SCAI: variants seen among roughly 807,000 people sequenced by gnomAD.
The protein encoded by SCAI is protein SCAI.
In SCAI, 24 loss-of-function variants were observed where a neutral mutation model predicts 92.2. The ratio of observed to expected loss-of-function variants is 0.26; its 90% CI spans 0.19 to 0.37. The LOEUF is 0.37. SCAI is among the 10% of genes least tolerant of loss of function. The pLI is 1.00. For missense variants in SCAI, 450 were observed against 736.2 expected (o/e 0.61, Z 4.50); for synonymous variants, 261 against 258.6 (o/e 1.01, Z -0.09).
chr9:124,979,824 C>T (rs1193695396), intron 14 of SCAI, among the ~76,000 whole-genome samples: 2 of 152,036 alleles, frequency 1.3e-5, no homozygotes, highest in African/African-American at 2.4e-5. Context: ...CCCAGGCGGG[C>T]GGATCACGAG....
intron 9 of SCAI, among the ~76,000 whole-genome samples, chr9:125,005,476 C>T (rs1046693078): frequency 6.6e-6 from 1 of 152,118 alleles, no homozygotes; most frequent in Non-Finnish European, 1.5e-5. Flanking sequence ...GGATTACAGG[C>T]ATGTGCCACC....
At chr9:125,010,892 CA>C (rs1199328466) in intron 9 of SCAI, among the ~76,000 whole-genome samples, 1 of 152,188 alleles carries the variant, frequency 6.6e-6, no homozygotes, top group Non-Finnish European at 1.5e-5. Flanking sequence ...CGCTGTTCTG[CA>C]GCCACCACTG....
chr9:124,997,838 T>C (rs1832270828), intron 13 of SCAI, among the ~76,000 whole-genome samples: 1 of 141,678 alleles, frequency 7.1e-6, no homozygotes, highest in Non-Finnish European at 1.5e-5. Context: ...ATAGTGCCAC[T>C]GCACTCCAGC....
rs761432942 is a variant in SCAI at position 124,971,371 on chromosome 9, C to T, written c.1673G>A (p.Arg558Gln). ...SATMRMHKIF[R>Q]ETRNYPESYP... ...TCTTTAATAATGTTCTTTGCCTACC[C>T]GAAAAATCTTGTGCATCCTCATGGT... Residue 558 changes from arginine (R) to glutamine (Q), a missense_variant and splice_region_variant, in exon 17 of 18, where the codon CGG becomes CAG. By Grantham distance (43) the Arg-to-Gln change is conservative (BLOSUM62 1). Transcript: ENST00000336505. 1.8e-5 allele frequency: 28 copies of T among 1,596,450 alleles called. No homozygotes were observed. Among genetic ancestry groups the T allele is most frequent in the Admixed American group, 1.6e-4 (9 of 57,466 alleles).
chr9:125,016,072 C>T (rs1013592987), intron 9 of SCAI, among the ~76,000 whole-genome samples: 1 of 148,716 alleles, frequency 6.7e-6, no homozygotes, highest in African/African-American at 2.5e-5. Flanking sequence ...GGAGATATAC[C>T]GAATGCTAAA....
At chr9:124,987,315 C>A (rs993843186) in intron 14 of SCAI, among the ~76,000 whole-genome samples, 6 of 122,456 alleles carry the variant, frequency 4.9e-5, no homozygotes, top group African/African-American at 1.4e-4. Flanking sequence ...AGCCACTGCA[C>A]CTGGATGGCT....
intron 17 of SCAI, among the ~76,000 whole-genome samples, chr9:124,953,759 C>T (rs1831270895): frequency 6.6e-6 from 1 of 152,046 alleles, no homozygotes; most frequent in South Asian, 2.1e-4. Flanking sequence ...ATAATCCTGC[C>T]ATACATTTAA....
intron 2 of SCAI, among the ~76,000 whole-genome samples, chr9:125,115,032 CAA>C (rs1187676224): frequency 6.6e-6 from 1 of 152,030 alleles, no homozygotes; most frequent in Non-Finnish European, 1.5e-5. Flanking sequence ...CTCAGCTTCC[CAA>C]AGAGCTGGGA....
At chr9:125,100,238 G>A (rs1834650947) in intron 2 of SCAI, among the ~76,000 whole-genome samples, 1 of 152,202 alleles carries the variant, frequency 6.6e-6, no homozygotes, top group South Asian at 2.1e-4. Flanking sequence ...ATATATGTCA[G>A]AAGTGGCCCA....
chr9:125,113,711 C>T (rs765846015), intron 2 of SCAI, among the ~76,000 whole-genome samples: 1 of 146,314 alleles, frequency 6.8e-6, no homozygotes, highest in South Asian at 2.2e-4. Context: ...ACCTGTAATC[C>T]CAGCACTTTG....
chr9:125,051,996 G>A (rs905347860), intron 3 of SCAI, among the ~76,000 whole-genome samples: 12 of 152,188 alleles, frequency 7.9e-5, no homozygotes, highest in African/African-American at 1.2e-4. Context: ...GCACTGAGCC[G>A]AGATCATGCC....
intron 2 of SCAI, among the ~76,000 whole-genome samples, chr9:125,062,618 G>A (rs998624309): frequency 2.4e-4 from 37 of 151,846 alleles, no homozygotes; most frequent in African/African-American, 8.9e-4. Flanking sequence ...AGCTGGGTGT[G>A]GTGGCACACG....
chr9:125,099,584 A>G (rs1405836596), intron 2 of SCAI, among the ~76,000 whole-genome samples: 1 of 152,178 alleles, frequency 6.6e-6, no homozygotes, highest in African/African-American at 2.4e-5. Context: ...TCCTTCAAAG[A>G]AAAACAAATA....
At chr9:124,997,104 G>T (rs1832253593) in intron 13 of SCAI, among the ~76,000 whole-genome samples, 1 of 152,048 alleles carries the variant, frequency 6.6e-6, no homozygotes, top group African/African-American at 2.4e-5. Flanking sequence ...ACATATAAGT[G>T]ATCATGCCAT....
intron 2 of SCAI, among the ~76,000 whole-genome samples, chr9:125,062,669 C>G (rs1048924030): frequency 1.3e-5 from 2 of 151,134 alleles, no homozygotes; most frequent in Non-Finnish European, 3.0e-5. Flanking sequence ...GCAGGAGAAT[C>G]GCTTGAATCT....
chr9:125,105,511 C>T (rs185125574), intron 2 of SCAI, among the ~76,000 whole-genome samples: 35 of 152,294 alleles, frequency 2.3e-4, no homozygotes, highest in African/African-American at 7.9e-4. Context: ...CATGTCCCTT[C>T]TCCACAAAAT....
At chr9:125,061,302 A>C (rs962709093) in intron 2 of SCAI, among the ~76,000 whole-genome samples, 2 of 152,228 alleles carry the variant, frequency 1.3e-5, no homozygotes, top group Admixed American at 6.5e-5. Flanking sequence ...GTCTCAAAAA[A>C]AAAAAAGTCC....
chr9:125,022,801 G>A lies in SCAI; in HGVS notation c.513-2032C>T, dbSNP rs548131531. On this transcript the variant is annotated intron_variant, in intron 6 of 17. Transcript: ENST00000336505. The stretch of plus-strand genomic sequence containing the variant: ...TCTTTGTCTTTAACAGGGAAGTTTA[G>A]ATCATTTTTACTTACCATGATTCGG... Among the ~76,000 whole-genome samples, 7 of 152,162 alleles carry A rather than the reference G, an allele frequency of 4.6e-5. No individual in the cohort carries two copies. The South Asian group carries it at 1.2e-3, about 27-fold the overall frequency.
chr9:124,995,882 A>C (rs1832227980), intron 13 of SCAI, among the ~76,000 whole-genome samples: 1 of 152,124 alleles, frequency 6.6e-6, no homozygotes, highest in South Asian at 2.1e-4. Context: ...CTGAACCCAA[A>C]GGCGGAAATC....
Sources: allele counts gnomAD v4.1 joint callset (sites outside exome capture counted in the v4.1 genomes callset), GRCh38; gene constraint gnomAD v4.1.1; transcripts MANE v1.5; gene names NCBI Gene and HGNC (gene_info 2026-07-23, HGNC 2026-07-21).